The following TASP1 variants were observed in gnomAD, a reference collection of about 807,000 sequenced individuals.
The protein encoded by TASP1 is threonine aspartase 1.
In TASP1, 16 loss-of-function variants were observed where a neutral mutation model predicts 56.6. That is an observed-to-expected ratio of 0.28 (90% CI 0.19 to 0.43). The LOEUF (loss-of-function observed/expected upper bound fraction) is 0.43, where lower values mean the gene tolerates loss of function less well. Among genes scored for constraint, TASP1 ranks in the 20% least tolerant of loss-of-function variants. The pLI, the probability that TASP1 is intolerant of heterozygous loss-of-function variation, is 1.00. For missense variants in TASP1, 393 were observed against 511.6 expected, an observed-to-expected ratio of 0.77 and a Z score of 2.24; for synonymous variants, 179 against 184.2, an observed-to-expected ratio of 0.97 and a Z score of 0.23.
intron 6 of TASP1, 71 bp downstream of exon 6, chr20:13,580,826 C>A: frequency 6.7e-7 from 1 of 1,495,088 alleles, no homozygotes; most frequent in Non-Finnish European, 9.3e-7. Flanking sequence ...GGTATGTAAC[C>A]AACAGCATCA....
At chr20:13,193,291 A>G in the TASP1 span, among the ~76,000 whole-genome samples, 1 of 152,308 alleles carries the variant, frequency 6.6e-6, no homozygotes, top group South Asian at 2.1e-4. Context: ...GTCTAAATAC[A>G]CCAATTAAAA....
chr20:13,587,477 A>G, intron 4 of TASP1, 107 bp from the exon 5 acceptor site: 1 of 898,000 alleles, frequency 1.1e-6, no homozygotes, highest in East Asian at 2.7e-5. Flanking sequence ...AATACTTTCC[A>G]ACACATAGTA....
chr20:13,219,500 A>G, the TASP1 span, among the ~76,000 whole-genome samples: 1 of 150,854 alleles, frequency 6.6e-6, no homozygotes, highest in East Asian at 2.0e-4. Context: ...TTTAGAGCCT[A>G]GAGATAGAAA....
chr20:13,625,823 C>G (rs1363328276), intron 2 of TASP1, among the ~76,000 whole-genome samples: 1 of 152,192 alleles, frequency 6.6e-6, no homozygotes, highest in African/African-American at 2.4e-5. Context: ...CAGGGTGTCT[C>G]TGAAAGCTAA....
chr20:13,131,722 C>A, the TASP1 span, among the ~76,000 whole-genome samples: 1 of 152,222 alleles, frequency 6.6e-6, no homozygotes, highest in African/African-American at 2.4e-5. Context: ...CCTGAATATT[C>A]TCCCCACTTT....
At chr20:13,626,914 C>T (rs973706554) in intron 2 of TASP1, among the ~76,000 whole-genome samples, 23 of 129,484 alleles carry the variant, frequency 1.8e-4, no homozygotes, top group African/African-American at 6.1e-4. Flanking sequence ...CCCCCCCACC[C>T]CGTACATCTT....
At chr20:13,117,701 A>G in the TASP1 span, 1 of 1,612,918 alleles carries the variant, frequency 6.2e-7, no homozygotes, top group Admixed American at 1.7e-5. Context: ...TTGGAGCTTC[A>G]GGAGGTTACA....
chr20:13,195,781 A>G, the TASP1 span, among the ~76,000 whole-genome samples: 2 of 152,330 alleles, frequency 1.3e-5, no homozygotes, highest in African/African-American at 4.8e-5. Flanking sequence ...CATGAAAAGT[A>G]TATTCCAGAC....
At chr20:13,399,113 C>T (rs953720422) in intron 13 of TASP1, among the ~76,000 whole-genome samples, 2 of 152,170 alleles carry the variant, frequency 1.3e-5, no homozygotes, top group African/African-American at 4.8e-5. Context: ...ACCCTTTTCC[C>T]TTGTTTTTTA....
At chr20:13,576,563 G>C (rs1007580060) in intron 6 of TASP1, among the ~76,000 whole-genome samples, 4 of 151,976 alleles carry the variant, frequency 2.6e-5, no homozygotes, top group African/African-American at 9.7e-5. Flanking sequence ...AAAAAAAAGT[G>C]AAGTACCAGG....
chr20:13,373,483 T>A, the TASP1 span, among the ~76,000 whole-genome samples: 1 of 151,610 alleles, frequency 6.6e-6, no homozygotes, highest in Non-Finnish European at 1.5e-5. Flanking sequence ...GGATATGTCT[T>A]GATTTTTTTC....
the TASP1 span, among the ~76,000 whole-genome samples, chr20:13,272,388 G>C: frequency 1.3e-5 from 2 of 152,166 alleles, no homozygotes; most frequent in African/African-American, 4.8e-5. Flanking sequence ...GCTGCATTAG[G>C]TTATAGGAAA....
At chr20:13,376,365 G>T in the TASP1 span, among the ~76,000 whole-genome samples, 4 of 152,122 alleles carry the variant, frequency 2.6e-5, no homozygotes, top group Non-Finnish European at 5.9e-5. Context: ...TGTCAGGTTT[G>T]TCAAAGATCA....
intron 9 of TASP1, 43 bp from the exon 10 acceptor site, chr20:13,528,554 T>C (rs960909756): frequency 4.7e-6 from 7 of 1,503,078 alleles, no homozygotes; most frequent in South Asian, 2.5e-5. Flanking sequence ...AGAAATATCA[T>C]ATGTAATTAT....
At chr20:13,578,905 C>T (rs2047020488) in intron 6 of TASP1, among the ~76,000 whole-genome samples, 1 of 152,178 alleles carries the variant, frequency 6.6e-6, no homozygotes, top group South Asian at 2.1e-4. Flanking sequence ...ATCTGTTTTA[C>T]AACTGTCTTG....
the TASP1 span, among the ~76,000 whole-genome samples, chr20:13,272,134 G>T: frequency 2.0e-5 from 3 of 152,074 alleles, no homozygotes; most frequent in Non-Finnish European, 1.5e-5. Flanking sequence ...CACCTTTTCT[G>T]TACTTTTTCC....
chr20:13,579,643 G>A (rs577507455), intron 6 of TASP1, among the ~76,000 whole-genome samples: 9 of 152,166 alleles, frequency 5.9e-5, no homozygotes, highest in Admixed American at 3.3e-4. Flanking sequence ...GAGCCACCGC[G>A]CCCGGCTTTT....
chr20:13,468,452 A>G (rs1259163638), intron 11 of TASP1, among the ~76,000 whole-genome samples: 5 of 152,260 alleles, frequency 3.3e-5, no homozygotes, highest in African/African-American at 1.2e-4. Context: ...ACAGGCTCAA[A>G]AGTCATAGTT....
the TASP1 span, among the ~76,000 whole-genome samples, chr20:13,161,838 A>G: frequency 6.6e-6 from 1 of 152,246 alleles, no homozygotes; most frequent in Admixed American, 6.5e-5. Context: ...ACACACGCAC[A>G]CACACACAGA....
Sources: allele counts gnomAD v4.1 joint callset (sites outside exome capture counted in the v4.1 genomes callset), GRCh38; gene constraint gnomAD v4.1.1; transcripts MANE v1.5; gene names NCBI Gene and HGNC (gene_info 2026-07-23, HGNC 2026-07-21).